The following ENTREP1 variants were observed in gnomAD, a reference collection of about 807,000 sequenced individuals.
ENTREP1 encodes the protein endosomal transmembrane epsin interactor 1.
chr9:69,342,480 G>A, the ENTREP1 span, among the ~76,000 whole-genome samples: 9 of 152,166 alleles, frequency 5.9e-5, no homozygotes, highest in African/African-American at 1.7e-4. Flanking sequence ...GTTTGTGAAT[G>A]TCCAATTCTT....
the ENTREP1 span, among the ~76,000 whole-genome samples, chr9:69,343,367 G>A: frequency 6.6e-6 from 1 of 152,196 alleles, no homozygotes; most frequent in African/African-American, 2.4e-5. Flanking sequence ...CAGTAAGGGA[G>A]AGCAGCTCTT....
At chr9:69,340,652 C>G in the ENTREP1 span, among the ~76,000 whole-genome samples, 1 of 65,374 alleles carries the variant, frequency 1.5e-5, no homozygotes, top group African/African-American at 4.7e-5. Flanking sequence ...TGTGTGTGTG[C>G]ATGTGTGTGT....
At chr9:69,357,534 G>A in the ENTREP1 span, among the ~76,000 whole-genome samples, 1 of 152,198 alleles carries the variant, frequency 6.6e-6, no homozygotes, top group African/African-American at 2.4e-5. Context: ...TGTTGGCAAG[G>A]AGAGCTGGTC....
At chr9:69,391,608 C>T in the ENTREP1 span, 6 of 1,613,960 alleles carry the variant, frequency 3.7e-6, no homozygotes, top group Admixed American at 5.0e-5. Flanking sequence ...AAGATAATGG[C>T]CCCATTGCAG....
chr9:69,340,629 G>GTGTGTGTGTGCA, the ENTREP1 span, among the ~76,000 whole-genome samples: 2 of 80,762 alleles, frequency 2.5e-5, no homozygotes, highest in Non-Finnish European at 5.2e-5. Flanking sequence ...GTGTGCATGT[G>GTGTGTGTGTGCA]TGTGTGCGTG....
chr9:69,353,549 T>C, the ENTREP1 span, among the ~76,000 whole-genome samples: 2 of 152,232 alleles, frequency 1.3e-5, no homozygotes, highest in Non-Finnish European at 2.9e-5. Flanking sequence ...TGATCATGCT[T>C]AAGAAAATTT....
At chr9:69,335,562 C>A in the ENTREP1 span, among the ~76,000 whole-genome samples, 1 of 152,132 alleles carries the variant, frequency 6.6e-6, no homozygotes, top group African/African-American at 2.4e-5. Flanking sequence ...TATGTAAAAA[C>A]CAGGCTTGAG....
chr9:69,328,635 C>A, the ENTREP1 span, among the ~76,000 whole-genome samples: 158 of 147,508 alleles, frequency 1.1e-3, no homozygotes, highest in African/African-American at 3.6e-3. Flanking sequence ...GTAACTAATT[C>A]AAAGACAGCT....
At chr9:69,332,369 G>A in the ENTREP1 span, among the ~76,000 whole-genome samples, 1 of 152,196 alleles carries the variant, frequency 6.6e-6, no homozygotes, top group Non-Finnish European at 1.5e-5. Flanking sequence ...ATCCTGGTGG[G>A]ATTTAACTTG....
At chr9:69,367,546 G>T in the ENTREP1 span, among the ~76,000 whole-genome samples, 1 of 144,832 alleles carries the variant, frequency 6.9e-6, no homozygotes, top group Non-Finnish European at 1.5e-5. Flanking sequence ...AGTGTTTTTA[G>T]TTTTCTTTCT....
chr9:69,340,574 T>A, the ENTREP1 span, among the ~76,000 whole-genome samples: 1 of 152,304 alleles, frequency 6.6e-6, no homozygotes, highest in East Asian at 1.9e-4. Context: ...TGACTAAGAA[T>A]AAGCTAGGAA....
At chr9:69,372,803 C>T in the ENTREP1 span, among the ~76,000 whole-genome samples, 33 of 151,748 alleles carry the variant, frequency 2.2e-4, no homozygotes, top group Non-Finnish European at 3.8e-4. Flanking sequence ...ACAGTGCACA[C>T]GGGTTCCAAT....
At chr9:69,368,845 T>A in the ENTREP1 span, among the ~76,000 whole-genome samples, 190 of 152,246 alleles carry the variant, frequency 1.2e-3, 1 homozygote, top group Admixed American at 2.9e-3. Flanking sequence ...TCTTTTTTTT[T>A]AAATTATACT....
At chr9:69,389,909 T>G in the ENTREP1 span, among the ~76,000 whole-genome samples, 1 of 152,244 alleles carries the variant, frequency 6.6e-6, no homozygotes, top group Admixed American at 6.5e-5. Flanking sequence ...TTGGGCCATC[T>G]CCTGGGCCTT....
the ENTREP1 span, among the ~76,000 whole-genome samples, chr9:69,363,395 A>G: frequency 9.5e-4 from 144 of 152,330 alleles, 7 homozygotes; most frequent in East Asian, 0.027. Flanking sequence ...ATTAGGTTAA[A>G]TATTAATGTA....
the ENTREP1 span, among the ~76,000 whole-genome samples, chr9:69,378,308 C>T: frequency 1.3e-5 from 2 of 152,284 alleles, no homozygotes; most frequent in South Asian, 4.1e-4. Context: ...TTAATTGTCT[C>T]TCCCTGGTCT....
chr9:69,340,808 T>TGC, the ENTREP1 span, among the ~76,000 whole-genome samples: 1 of 68,204 alleles, frequency 1.5e-5, no homozygotes, highest in African/African-American at 5.1e-5. Context: ...TGCATGTGTG[T>TGC]GTGTATGTGT....
chr9:69,372,105 T>C, the ENTREP1 span, among the ~76,000 whole-genome samples: 2 of 152,236 alleles, frequency 1.3e-5, no homozygotes, highest in African/African-American at 2.4e-5. Flanking sequence ...CTTCTGGTTT[T>C]CAGAGCTTTT....
chr9:69,372,128 T>C, the ENTREP1 span, among the ~76,000 whole-genome samples: 1 of 152,208 alleles, frequency 6.6e-6, no homozygotes, highest in Non-Finnish European at 1.5e-5. Context: ...GATTTCAGCA[T>C]TGTGAGTAAG....
Sources: allele counts gnomAD v4.1 joint callset (sites outside exome capture counted in the v4.1 genomes callset), GRCh38; gene constraint gnomAD v4.1.1; transcripts MANE v1.5; gene names NCBI Gene and HGNC (gene_info 2026-07-23, HGNC 2026-07-21).